PRDM16: variants seen among roughly 807,000 people sequenced by gnomAD.
PRDM16 encodes the protein histone-lysine N-methyltransferase PRDM16.
Under a neutral mutation model 110.6 loss-of-function variants are expected in PRDM16, and 23 were observed. The observed-to-expected ratio is 0.21, with a 90% CI of 0.15 to 0.29. The LOEUF (loss-of-function observed/expected upper bound fraction) is 0.29. PRDM16 is among the 10% of genes least tolerant of loss of function. PRDM16 has a pLI of 1.00. For missense variants in PRDM16, 1,615 were observed against 1,794.3 expected (o/e 0.90, Z 1.81); for synonymous variants, 799 against 781.8 (o/e 1.02, Z -0.37).
chr1:3,072,234 G>T (rs568964043), intron 1 of PRDM16, among the ~76,000 whole-genome samples: 1 of 152,208 alleles, frequency 6.6e-6, no homozygotes, highest in Non-Finnish European at 1.5e-5. Flanking sequence ...TTCCAGGGCT[G>T]TTGTGAGCCA....
chr1:3,174,483 G>A (rs1644063204), intron 1 of PRDM16, among the ~76,000 whole-genome samples: 1 of 151,934 alleles, frequency 6.6e-6, no homozygotes, highest in African/African-American at 2.4e-5. Context: ...AGAAGGGCAG[G>A]GTCTGTGCTT....
In PRDM16 at chr1:3,431,958, T is replaced by C. The variant is rs771111122; in HGVS notation, c.3522-8T>C. The C allele has an allele frequency of 6.2e-7, 1 of 1,609,034 alleles. No individual in the cohort carries two copies. Among genetic ancestry groups the C allele is most frequent in the South Asian group, 1.1e-5 (1 of 90,730 alleles). On this transcript the variant is annotated splice_polypyrimidine_tract_variant and splice_region_variant and intron_variant, in intron 15 of 16. Transcript: ENST00000270722. ...GCAGGCCTTCCCTCTCCCCGGTCAT[T>C]GGTGCAGGTGTGCTGAGGACCACGA...
At chr1:3,163,323 G>A (rs1261590520) in intron 1 of PRDM16, among the ~76,000 whole-genome samples, 2 of 133,720 alleles carry the variant, frequency 1.5e-5, no homozygotes, top group Non-Finnish European at 3.4e-5. Flanking sequence ...GGGGATGTCC[G>A]CAGAAGCCCC....
intron 1 of PRDM16, among the ~76,000 whole-genome samples, chr1:3,082,635 G>T (rs1642056869): frequency 6.6e-6 from 1 of 152,206 alleles, no homozygotes; most frequent in Non-Finnish European, 1.5e-5. Flanking sequence ...ACAGAGCCGG[G>T]GTTGGGGGCC....
intron 2 of PRDM16, among the ~76,000 whole-genome samples, chr1:3,219,957 G>A (rs554095887): frequency 7.2e-5 from 11 of 152,288 alleles, no homozygotes; most frequent in Admixed American, 5.2e-4. Context: ...GGGAGATGGC[G>A]AGGCTGCGGT....
At chr1:3,239,845 G>A (rs1639619979) in intron 2 of PRDM16, among the ~76,000 whole-genome samples, 1 of 152,052 alleles carries the variant, frequency 6.6e-6, no homozygotes, top group Admixed American at 6.6e-5. Context: ...AGCTATTTGG[G>A]AGGCAGAGGT....
chr1:3,094,778 C>G (rs762879136), intron 1 of PRDM16, among the ~76,000 whole-genome samples: 36 of 152,224 alleles, frequency 2.4e-4, no homozygotes, highest in Non-Finnish European at 4.6e-4. Flanking sequence ...GGGTGCTTCC[C>G]GGCCTCCCTG....
intron 3 of PRDM16, among the ~76,000 whole-genome samples, chr1:3,254,409 C>T (rs1311559606): frequency 2.0e-5 from 3 of 152,088 alleles, no homozygotes; most frequent in Admixed American, 6.6e-5. Context: ...ATCTAGAAAA[C>T]CCCATTGTCT....
intron 2 of PRDM16, among the ~76,000 whole-genome samples, chr1:3,228,313 G>A (rs1436693288): frequency 2.0e-5 from 3 of 152,198 alleles, no homozygotes; most frequent in South Asian, 2.1e-4. Context: ...CTGCCTGAAC[G>A]TGCACAGGTG....
intron 3 of PRDM16, among the ~76,000 whole-genome samples, chr1:3,325,005 G>A (rs145074105): frequency 0.012 from 1,846 of 152,248 alleles, 129 homozygotes; most frequent in Admixed American, 0.1. Flanking sequence ...ACCTGGTAGC[G>A]CACAGTTTCT....
At chr1:3,126,189 G>A (rs755625645) in intron 1 of PRDM16, among the ~76,000 whole-genome samples, 3 of 152,190 alleles carry the variant, frequency 2.0e-5, no homozygotes, top group Non-Finnish European at 4.4e-5. Flanking sequence ...CGCTCTTCCC[G>A]GCCCAGCTCC....
chr1:3,146,345 C>G (rs79155405), intron 1 of PRDM16, among the ~76,000 whole-genome samples: 1 of 152,218 alleles, frequency 6.6e-6, no homozygotes, highest in Non-Finnish European at 1.5e-5. Context: ...ATCATATAAA[C>G]CGTTCACAAA....
chr1:3,426,015 G>A (rs750880205), intron 13 of PRDM16, 36 bp from the exon 14 acceptor site: 19 of 1,590,012 alleles, frequency 1.2e-5, no homozygotes, highest in Admixed American at 3.5e-5. Context: ...GGGGTCCAGC[G>A]AGAGGCCGCC....
rs779906013 is a variant in PRDM16 at position 3,426,241 on chromosome 1, C to T, written c.3284+16C>T. On this transcript the variant is annotated intron_variant, in intron 14 of 16. Coordinates refer to ENST00000270722, the MANE Select transcript of PRDM16 (RefSeq NM_022114.4). ...CAGAGAAACGGTAAGAAAACTATCG[C>T]GGGCTGGGGAAAGTCTGGACCCGGC... 3.1e-6 allele frequency: 5 copies of T among 1,608,044 alleles called. No homozygotes were observed. Among genetic ancestry groups the T allele is most frequent in the African/African-American group, 2.7e-5 (2 of 74,716 alleles).
chr1:3,159,304 G>A (rs570286557), intron 1 of PRDM16, among the ~76,000 whole-genome samples: 9 of 152,360 alleles, frequency 5.9e-5, no homozygotes, highest in East Asian at 5.8e-4. Context: ...CCGCCATCAC[G>A]ATGCGCCTCG....
chr1:3,145,234 G>A (rs1037127719), intron 1 of PRDM16, among the ~76,000 whole-genome samples: 1 of 152,152 alleles, frequency 6.6e-6, no homozygotes, highest in Admixed American at 6.5e-5. Context: ...GAACGTCCAC[G>A]TGCAGATGGA....
At chr1:3,356,979 G>A (rs1396481272) in intron 3 of PRDM16, among the ~76,000 whole-genome samples, 1 of 152,200 alleles carries the variant, frequency 6.6e-6, no homozygotes, top group Non-Finnish European at 1.5e-5. Flanking sequence ...ACACTGCCTG[G>A]ACTTTGTCCA....
chr1:3,429,828 A>G (rs1451302264), intron 14 of PRDM16, among the ~76,000 whole-genome samples: 1 of 152,236 alleles, frequency 6.6e-6, no homozygotes, highest in Non-Finnish European at 1.5e-5. Context: ...GGCCTCCCCA[A>G]GCCCAGTTCC....
In PRDM16 at chr1:3,186,189, G is replaced by A. The variant is rs374918897; in HGVS notation, c.102G>A (p.Ala34=). The A allele has an allele frequency of 1.1e-4, 176 of 1,612,880 alleles. No homozygotes were observed. The African/African-American group carries it at 1.3e-3, about 12-fold the overall frequency. ...GGGACCTGCTGGCCAGCCACAGCGC[G>A]GAGGACGAGGCCGAGGACAGTGCCA... ...PNRDLLASHS[A]EDEAEDSAMS... is the part of the protein sequence containing the mutation. Residue 34 remains alanine (A), a synonymous_variant, in exon 2 of 17, where the codon GCG becomes GCA. Coordinates refer to ENST00000270722, the MANE Select transcript of PRDM16 (RefSeq NM_022114.4).
Sources: allele counts gnomAD v4.1 joint callset (sites outside exome capture counted in the v4.1 genomes callset), GRCh38; gene constraint gnomAD v4.1.1; transcripts MANE v1.5; gene names NCBI Gene and HGNC (gene_info 2026-07-23, HGNC 2026-07-21).